The following PARD6G variants were observed in gnomAD, a reference collection of about 807,000 sequenced individuals.
PARD6G encodes the protein partitioning defective 6 homolog gamma.
PARD6G carries 7 observed loss-of-function variants against 10.7 expected under a neutral mutation model. The observed-to-expected ratio is 0.66, with a 90% confidence interval of 0.37 to 1.23. PARD6G has a LOEUF of 1.23. PARD6G is among the 50% of genes most tolerant of loss of function. The probability of loss-of-function intolerance (pLI) is 0.02; values close to 1 mark genes in which losing one functional copy is unlikely to be tolerated. For synonymous variants in PARD6G, 287 were observed against 269.4 expected, an observed-to-expected ratio of 1.07 and a Z score of -0.64; for missense variants, 548 against 571.8, an observed-to-expected ratio of 0.96 and a Z score of 0.42.
At chr18:80,185,269 T>TC (rs1380043476) in intron 2 of PARD6G, among the ~76,000 whole-genome samples, 2 of 151,894 alleles carry the variant, frequency 1.3e-5, no homozygotes, top group Non-Finnish European at 2.9e-5. Context: ...AGCATACAGG[T>TC]GACACACTCA....
intron 1 of PARD6G, among the ~76,000 whole-genome samples, chr18:80,222,842 T>G (rs1386906995): frequency 1.3e-5 from 2 of 152,024 alleles, no homozygotes. Context: ...TCTGGCTAAT[T>G]TTTGTATTTT....
rs1214851362 is a variant in PARD6G, at chr18:80,232,528, T to C, written c.72+14749A>G. Among the ~76,000 whole-genome samples the C allele has an allele frequency of 5.3e-5, 8 of 152,082 alleles. No individual in the cohort carries two copies. In the East Asian group the frequency reaches 1.5e-3, roughly 29 times the overall value. On this transcript the variant is annotated intron_variant, in intron 1 of 2. Transcript: ENST00000353265. ...GAAAAAAATGAGGAAGATATGAAAG[T>C]GGAAACCCCTGATAAAACCATCAGA...
intron 2 of PARD6G, among the ~76,000 whole-genome samples, chr18:80,195,324 G>T (rs1159209294): frequency 2.0e-5 from 3 of 151,792 alleles, no homozygotes; most frequent in Admixed American, 2.0e-4. Context: ...CAGGCTGACA[G>T]GAGCGTCCAT....
chr18:80,164,482 G>A (rs1216903643), intron 2 of PARD6G, among the ~76,000 whole-genome samples: 5 of 152,148 alleles, frequency 3.3e-5, no homozygotes, highest in Admixed American at 6.5e-5. Flanking sequence ...TGCTCTTCAC[G>A]TCACAACTGA....
chr18:80,185,636 TCACA>T (rs751380843), intron 2 of PARD6G, among the ~76,000 whole-genome samples: 15 of 150,516 alleles, frequency 1.0e-4, no homozygotes, highest in Non-Finnish European at 1.5e-4. Flanking sequence ...ACATGCACCC[TCACA>T]CACGCATATA....
intron 1 of PARD6G, among the ~76,000 whole-genome samples, chr18:80,238,178 C>T (rs1229803178): frequency 3.9e-5 from 6 of 152,126 alleles, no homozygotes; most frequent in East Asian, 3.9e-4. Flanking sequence ...ATGATGAGTT[C>T]GTGTCCTTTG....
rs1043672275 is a variant in PARD6G, at chr18:80,175,466, G to A, written c.296-14860C>T. Among the ~76,000 whole-genome samples the A allele has an allele frequency of 5.9e-5, 9 of 152,110 alleles. No homozygotes were observed. The highest frequency in any genetic ancestry group is 1.9e-4 in the African/African-American group (8 of 41,422). The stretch of plus-strand genomic sequence containing the variant: ...CTCTGGTGCCTCCTCCTCTGCTTAC[G>A]ACACAGTCTGATTAGGTCAGGGCTT... On this transcript the variant is annotated intron_variant, in intron 2 of 2. Coordinates refer to ENST00000353265, the MANE Select transcript of PARD6G (RefSeq NM_032510.4). This position sits in a 1 kb window ranked among gnomAD's most constrained non-coding sequence, Gnocchi z 6.7.
In PARD6G at chr18:80,182,841, C is replaced by T; in HGVS notation, c.295+19869G>A. The T allele has an allele frequency of 2.4e-6, 1 of 415,374 alleles. No individual in the cohort carries two copies. The highest frequency in any genetic ancestry group is 4.3e-6 in the Non-Finnish European group (1 of 234,044). The allele number at this position is 415,374 out of a possible 1,614,324, so 25.7% of individuals were successfully genotyped here. On this transcript the variant is annotated intron_variant, in intron 2 of 2. Coordinates refer to ENST00000353265, the MANE Select transcript of PARD6G (RefSeq NM_032510.4). This position sits in a 1 kb window ranked among gnomAD's most constrained non-coding sequence, Gnocchi z 4.5. ...CTATTTTGGGCAGGACAAATGTTCC[C>T]AGAGAACTTTTAAATCTGATGTTAT...
rs1283835847 is a variant in PARD6G at position 80,228,314 on chromosome 18, C to G, written c.72+18963G>C. On this transcript the variant is annotated intron_variant, in intron 1 of 2. Transcript: ENST00000353265. The surrounding 1 kb of genome is among the most constrained non-coding windows in gnomAD (Gnocchi z 4.6). Reference sequence around the variant, plus strand: ...TGAGGGGAGGTGAGCGGAGGGGAGGCCAGGGGAGGGGAGTTCCCGGACACA... The same window carrying G: ...TGAGGGGAGGTGAGCGGAGGGGAGGGCAGGGGAGGGGAGTTCCCGGACACA... Among the ~76,000 whole-genome samples the G allele has an allele frequency of 2.0e-5, 3 of 151,988 alleles. No homozygotes were observed. The highest frequency in any genetic ancestry group is 4.4e-5 in the Non-Finnish European group (3 of 67,968).
chr18:80,181,436 C>A lies in PARD6G; in HGVS notation c.296-20830G>T, dbSNP rs116476993. Among the ~76,000 whole-genome samples the A allele has an allele frequency of 2.0e-5, 3 of 152,154 alleles. 1 individual carries two copies. Among genetic ancestry groups the A allele is most frequent in the Admixed American group, 1.3e-4 (2 of 15,284 alleles). On this transcript the variant is annotated intron_variant, in intron 2 of 2. Transcript: ENST00000353265. The surrounding 1 kb of genome is among the most constrained non-coding windows in gnomAD (Gnocchi z 7.9). The stretch of plus-strand genomic sequence containing the variant: ...TTGCACACCCAGGTCACCAGGGACA[C>A]GGTGACATGCCGCTGTGAGCCCTCA...
rs758521114 is a variant in PARD6G at position 80,160,332 on chromosome 18, C to T, written c.570G>A (p.Val190=). 1.9e-6 allele frequency: 3 copies of T among 1,611,920 alleles called. No individual in the cohort carries two copies. In the South Asian group the frequency reaches 3.3e-5, roughly 18 times the overall value. The change falls in exon 3 of 3, where the codon GTG becomes GTA. Residue 190 remains valine, a synonymous_variant. Transcript: ENST00000353265. The part of the protein sequence containing the change: ...VRVTPHGLEK[V]PGIFISRMVP... ...CCATGCGCGAGATGAAGATGCCGGG[C>T]ACCTTCTCCAGCCCGTGCGGGGTCA...
At chr18:80,217,824 C>T (rs1967186078) in intron 1 of PARD6G, among the ~76,000 whole-genome samples, 1 of 150,822 alleles carries the variant, frequency 6.6e-6, no homozygotes, top group African/African-American at 2.4e-5. Context: ...TACTGACTCA[C>T]AGTTCTGCAG....
At chr18:80,214,185 C>T (rs1349378730) in intron 1 of PARD6G, among the ~76,000 whole-genome samples, 5 of 152,022 alleles carry the variant, frequency 3.3e-5, no homozygotes, top group African/African-American at 9.7e-5. Flanking sequence ...CGGACAGGCG[C>T]GGTGGCTCAC....
chr18:80,160,098 C>G lies in PARD6G; in HGVS notation c.804G>C (p.Pro268=). The G allele has an allele frequency of 6.2e-7, 1 of 1,603,586 alleles. No individual in the cohort carries two copies. The highest frequency in any genetic ancestry group is 8.5e-7 in the Non-Finnish European group (1 of 1,175,498). Residue 268 remains proline (P), a synonymous_variant, in exon 3 of 3, where the codon CCG becomes CCC. Coordinates refer to ENST00000353265, the MANE Select transcript of PARD6G (RefSeq NM_032510.4). ...RGGRALGSSG[P]PSDGTAGFVG... ...CGAAGCCCGCGGTGCCGTCCGAGGGCGGTCCCGAGCTGCCCAACGCGCGGC... is the reference window on the plus strand; with the variant it reads ...CGAAGCCCGCGGTGCCGTCCGAGGGGGGTCCCGAGCTGCCCAACGCGCGGC...
intron 1 of PARD6G, among the ~76,000 whole-genome samples, chr18:80,227,517 A>C (rs982935173): frequency 6.6e-6 from 1 of 152,250 alleles, no homozygotes; most frequent in Non-Finnish European, 1.5e-5. Context: ...ATACTTGCAC[A>C]CGGGTGACAA....
intron 1 of PARD6G, among the ~76,000 whole-genome samples, chr18:80,218,122 C>A (rs1392302578): frequency 6.6e-6 from 1 of 152,106 alleles, no homozygotes; most frequent in South Asian, 2.1e-4. Context: ...ATCATTCCAC[C>A]CTGGCCCCTC....
At chr18:80,195,283 T>C (rs768075918) in intron 2 of PARD6G, among the ~76,000 whole-genome samples, 17 of 152,070 alleles carry the variant, frequency 1.1e-4, no homozygotes, top group Non-Finnish European at 2.1e-4. Flanking sequence ...ACTTGAACTC[T>C]GCAGACCTGC....
At chr18:80,219,741 C>T (rs1188145672) in intron 1 of PARD6G, among the ~76,000 whole-genome samples, 1 of 152,178 alleles carries the variant, frequency 6.6e-6, no homozygotes. Flanking sequence ...CCATCTGAGA[C>T]CAGCCTGACT....
chr18:80,233,944 C>T (rs1042402413), intron 1 of PARD6G, among the ~76,000 whole-genome samples: 4 of 152,162 alleles, frequency 2.6e-5, no homozygotes, highest in East Asian at 3.8e-4. Context: ...AGTGCTCTGA[C>T]GGCCCTCGAG....
Sources: allele counts gnomAD v4.1 joint callset (sites outside exome capture counted in the v4.1 genomes callset), GRCh38; gene constraint gnomAD v4.1.1; non-coding constraint Gnocchi (gnomAD v3.1); transcripts MANE v1.5; gene names NCBI Gene and HGNC (gene_info 2026-07-23, HGNC 2026-07-21).